NPL: variants seen among roughly 807,000 people sequenced by gnomAD.
NPL encodes N-acetylneuraminate lyase.
A neutral mutation model predicts 41.1 loss-of-function variants in NPL; 32 were observed. That is an observed-to-expected ratio of 0.78 (90% CI 0.59 to 1.05). The LOEUF (loss-of-function observed/expected upper bound fraction) is 1.05, where lower values mean the gene tolerates loss of function less well. Among genes scored for constraint, NPL ranks in the 50% least tolerant of loss-of-function variants. The probability of loss-of-function intolerance (pLI) is 0.00; values close to 1 mark genes in which losing one functional copy is unlikely to be tolerated. For missense variants in NPL, 321 were observed against 378.4 expected (o/e 0.85, Z 1.26); for synonymous variants, 128 against 134.9 (o/e 0.95, Z 0.35).
intron 10 of NPL, 117 bp downstream of exon 10, chr1:182,818,976 C>T (rs2102560850): frequency 1.1e-6 from 1 of 906,428 alleles, no homozygotes; most frequent in South Asian, 1.3e-5. Flanking sequence ...CTTTCTTTTC[C>T]ACATTCTTCC....
intron 3 of NPL, among the ~76,000 whole-genome samples, chr1:182,799,264 C>A (rs1451228788): frequency 6.6e-6 from 1 of 152,056 alleles, no homozygotes; most frequent in Non-Finnish European, 1.5e-5. Context: ...GTAGTTTGGG[C>A]AAACTAAATG....
intron 11 of NPL, among the ~76,000 whole-genome samples, chr1:182,824,076 T>C (rs1201366256): frequency 6.6e-6 from 1 of 152,238 alleles, no homozygotes; most frequent in African/African-American, 2.4e-5. Flanking sequence ...TTTAATGTAC[T>C]TAAGTGCCAT....
At chr1:182,805,953 A>G (rs1666995306) in intron 4 of NPL, among the ~76,000 whole-genome samples, 192 bp from the exon 5 acceptor site, 1 of 152,220 alleles carries the variant, frequency 6.6e-6, no homozygotes, top group Non-Finnish European at 1.5e-5. Flanking sequence ...TACAAGTCAC[A>G]ATTAACCTTC....
intron 5 of NPL, chr1:182,809,435 G>C (rs1667114645): frequency 3.9e-6 from 1 of 254,724 alleles, no homozygotes; most frequent in South Asian, 3.6e-5. Flanking sequence ...AGCTAAGCAG[G>C]AGGCTAAGGC....
rs12067014 is a variant in NPL, at chr1:182,824,067, T to G, written c.739-1714T>G. Among the ~76,000 whole-genome samples, 132 of 152,362 alleles carry G rather than the reference T, an allele frequency of 8.7e-4. 1 individual carries two copies. The highest frequency in any genetic ancestry group is 2.9e-3 in the African/African-American group (121 of 41,588). ...TAGGGCTAAATTTATCTCATTCACTTTAATGTACTTAAGTGCCATCTGTTA... is the reference window on the plus strand; with the variant it reads ...TAGGGCTAAATTTATCTCATTCACTGTAATGTACTTAAGTGCCATCTGTTA... On this transcript the variant is annotated intron_variant, in intron 11 of 12. Coordinates refer to ENST00000367553, the MANE Select transcript of NPL (RefSeq NM_030769.3).
At chr1:182,806,662 C>T in intron 5 of NPL, 1 of 1,032,534 alleles carries the variant, frequency 9.7e-7, no homozygotes, top group Non-Finnish European at 1.4e-6. Context: ...GGTCTCTGTG[C>T]ATCCAACTCA....
chr1:182,826,876 CCTATATATA>C (rs1325908487), intron 12 of NPL: 4 of 152,038 alleles, frequency 2.6e-5, no homozygotes, highest in African/African-American at 9.7e-5. Context: ...AATACGAAAC[CCTATATATA>C]CTATGTTTTT....
rs747592401 is a variant in NPL at position 182,806,329 on chromosome 1, A to G, written c.230+97A>G. The stretch of plus-strand genomic sequence containing the variant: ...TACGCCCTCCCTGCTTCCTGGTCAG[A>G]GCCGGGGCTTGAGGTCAGCTGGTGG... On this transcript the variant is annotated intron_variant, in intron 5 of 12. Transcript: ENST00000367553. 1.4e-5 allele frequency: 22 copies of G among 1,573,192 alleles called. 1 individual carries two copies. Among genetic ancestry groups the G allele is most frequent in the Admixed American group, 1.9e-5 (1 of 52,900 alleles).
At position 182,828,758 on chromosome 1, in the gene NPL, T is replaced by C; in HGVS notation, c.813T>C (p.Thr271=). The C allele has an allele frequency of 6.2e-7, 1 of 1,614,170 alleles. No individual in the cohort carries two copies. The highest frequency in any genetic ancestry group is 8.5e-7 in the Non-Finnish European group (1 of 1,180,012). The part of the protein sequence containing the change: ...FGVSQTKAIM[T]LVSGIPMGPP... ...TGTCACAGACCAAAGCCATCATGACTCTGGTCTCTGGGATTCCAATGGGCC... is the reference window on the plus strand; with the variant it reads ...TGTCACAGACCAAAGCCATCATGACCCTGGTCTCTGGGATTCCAATGGGCC... The change falls in exon 13 of 13, where the codon ACT becomes ACC. Residue 271 remains threonine, a synonymous_variant. Transcript: ENST00000367553. The surrounding 1 kb of genome is among the most constrained non-coding windows in gnomAD (Gnocchi z 4.0).
chr1:182,796,111 T>A (rs943855021), intron 3 of NPL, among the ~76,000 whole-genome samples: 1 of 148,574 alleles, frequency 6.7e-6, no homozygotes, highest in African/African-American at 2.5e-5. Flanking sequence ...TTTACTATTT[T>A]CTCATCAATT....
chr1:182,794,468 TC>T (rs1170753072), intron 3 of NPL, 29 bp downstream of exon 3: 1 of 1,605,496 alleles, frequency 6.2e-7, no homozygotes, highest in African/African-American at 1.3e-5. Flanking sequence ...CTTGAGGGGA[TC>T]AGTTCTCATT....
At chr1:182,804,192 A>G (rs187705214) in intron 4 of NPL, among the ~76,000 whole-genome samples, 2 of 152,232 alleles carry the variant, frequency 1.3e-5, no homozygotes, top group African/African-American at 4.8e-5. Context: ...ATGCAGTGGC[A>G]CCATCAGCTC....
At chr1:182,826,865 T>C (rs921327208) in intron 12 of NPL, 10 of 152,216 alleles carry the variant, frequency 6.6e-5, no homozygotes, top group African/African-American at 2.2e-4. Context: ...AAATTGCAGA[T>C]AATACGAAAC....
Position 182,822,132 on chromosome 1 carries a change from G to A in NPL, c.671G>A (p.Gly224Glu). The change falls in exon 11 of 13, where the codon GGA becomes GAA. Residue 224 changes from glycine to glutamate, a missense_variant. Coordinates refer to ENST00000367553, the MANE Select transcript of NPL (RefSeq NM_030769.3). Reference sequence around the variant, plus strand: ...CTTGCCAGTACCTATAACTACCTGGGAAAAAAGACAAACCAGATGTTGGAG... The same window carrying A: ...CTTGCCAGTACCTATAACTACCTGGAAAAAAAGACAAACCAGATGTTGGAG... ...GAVGSTYNYLGKKTNQMLEAF... is the reference protein window; with the variant it reads ...GAVGSTYNYLEKKTNQMLEAF... 1 of 1,612,826 alleles carries A rather than the reference G, an allele frequency of 6.2e-7. No individual in the cohort carries two copies. The highest frequency in any genetic ancestry group is 8.5e-7 in the Non-Finnish European group (1 of 1,178,842).
At chr1:182,820,495 T>C (rs1231215923) in intron 10 of NPL, among the ~76,000 whole-genome samples, 1 of 152,228 alleles carries the variant, frequency 6.6e-6, no homozygotes, top group African/African-American at 2.4e-5. Flanking sequence ...TGACCATATG[T>C]ATTAATTCAT....
rs1257368916 is a variant in NPL at position 182,822,556 on chromosome 1, AC to A, written c.738+358del. On this transcript the variant is annotated intron_variant, in intron 11 of 12. Coordinates refer to ENST00000367553, the MANE Select transcript of NPL (RefSeq NM_030769.3). ...TTGAGGACATCACATCAGAGTTATC[AC>A]AGAATATGAGGAAGCTATGAAGATG... Among the ~76,000 whole-genome samples, 18 of 152,338 alleles carry A rather than the reference AC, an allele frequency of 1.2e-4. No homozygotes were observed. In the East Asian group the frequency reaches 2.1e-3, roughly 18 times the overall value.
chr1:182,798,781 G>A (rs1666749473), intron 3 of NPL, among the ~76,000 whole-genome samples: 1 of 152,118 alleles, frequency 6.6e-6, no homozygotes, highest in South Asian at 2.1e-4. Flanking sequence ...AACAGTCTTT[G>A]GGAGACGAGG....
rs1321594363 is a variant in NPL, at chr1:182,828,876, T to A, written c.931T>A (p.Leu311Ile). The change falls in exon 13 of 13, where the codon TTA (leucine) becomes ATA (isoleucine). Residue 311 changes from leucine to isoleucine, a missense_variant. By Grantham distance (5) the Leu-to-Ile change is conservative. Transcript: ENST00000367553. The surrounding 1 kb of genome is among the most constrained non-coding windows in gnomAD (Gnocchi z 4.0). ...CCTGGATTTCCTTTCTTTCACTGAT[T>A]TAAAGGATGGAAACTTGGAAGCTGG... ...KSLDFLSFTD[L>I]KDGNLEAGS The A allele has an allele frequency of 1.2e-5, 20 of 1,614,074 alleles. No individual in the cohort carries two copies. Among genetic ancestry groups the A allele is most frequent in the Non-Finnish European group, 1.6e-5 (19 of 1,180,034 alleles).
At chr1:182,793,205 T>C (rs115051575) in intron 2 of NPL, among the ~76,000 whole-genome samples, 1,818 of 152,302 alleles carry the variant, frequency 0.012, 33 homozygotes, top group African/African-American at 0.041. Context: ...CAAAAAACAA[T>C]AATGCTTCTA....
Sources: allele counts gnomAD v4.1 joint callset (sites outside exome capture counted in the v4.1 genomes callset), GRCh38; gene constraint gnomAD v4.1.1; non-coding constraint Gnocchi (gnomAD v3.1); transcripts MANE v1.5; gene names NCBI Gene and HGNC (gene_info 2026-07-23, HGNC 2026-07-21).